The following LARP1 variants were observed in gnomAD, a reference collection of about 807,000 sequenced individuals.
LARP1 encodes la-related protein 1.
In LARP1, 36 loss-of-function variants were observed where a neutral mutation model predicts 122.7. The ratio of observed to expected loss-of-function variants is 0.29; its 90% CI spans 0.22 to 0.39. LARP1 has a LOEUF of 0.39. Among genes scored for constraint, LARP1 ranks in the 10% least tolerant of loss-of-function variants. The probability of loss-of-function intolerance (pLI) is 1.00; values close to 1 mark genes in which losing one functional copy is unlikely to be tolerated. For missense variants in LARP1, 1,040 were observed against 1,403.6 expected, an observed-to-expected ratio of 0.74 and a Z score of 4.14; for synonymous variants, 539 against 528.7, an observed-to-expected ratio of 1.02 and a Z score of -0.27.
intron 16 of LARP1, 137 bp from the exon 17 acceptor site, chr5:154,811,110 A>G (rs1398332316): frequency 6.2e-6 from 4 of 643,414 alleles, no homozygotes; most frequent in African/African-American, 3.7e-5. Context: ...CTAGCATTCT[A>G]AAAGCGTGTA....
upstream of LARP1, among the ~76,000 whole-genome samples, chr5:154,755,375 C>G (rs1247654753): frequency 6.6e-6 from 1 of 151,150 alleles, no homozygotes; most frequent in Non-Finnish European, 1.5e-5. Context: ...TCTCCCCCGT[C>G]CGTCCATATT....
intron 1 of LARP1, among the ~76,000 whole-genome samples, chr5:154,722,678 GTTTT>G (rs11315331): frequency 5.0e-5 from 5 of 99,140 alleles, no homozygotes; most frequent in African/African-American, 4.1e-5. Flanking sequence ...TCTTTCCTAG[GTTTT>G]TTTTTTTTTT....
intron 1 of LARP1, among the ~76,000 whole-genome samples, chr5:154,683,988 C>T (rs770811725): frequency 1.1e-4 from 16 of 152,122 alleles, no homozygotes; most frequent in Middle Eastern, 3.2e-3. Flanking sequence ...AACAGTTGGC[C>T]AATCTGGTAT....
chr5:154,788,890 G>A (rs1401866838), intron 1 of LARP1, among the ~76,000 whole-genome samples: 1 of 152,110 alleles, frequency 6.6e-6, no homozygotes, highest in Non-Finnish European at 1.5e-5. Flanking sequence ...GTGTGCATGT[G>A]CACATTTTTG....
At chr5:154,769,586 G>C (rs530626391) in intron 1 of LARP1, among the ~76,000 whole-genome samples, 1 of 152,170 alleles carries the variant, frequency 6.6e-6, no homozygotes, top group South Asian at 2.1e-4. Context: ...AGGCCCTGGA[G>C]CAGCAATAGA....
intron 4 of LARP1, 40 bp downstream of exon 4, chr5:154,792,836 G>A (rs1463395996): frequency 1.3e-6 from 2 of 1,595,970 alleles, no homozygotes; most frequent in Non-Finnish European, 1.7e-6. Flanking sequence ...AGGTGGCAGG[G>A]TAGAACTGTG....
At chr5:154,757,508 C>T (rs542160578) in intron 1 of LARP1, among the ~76,000 whole-genome samples, 1 of 151,960 alleles carries the variant, frequency 6.6e-6, no homozygotes, top group Non-Finnish European at 1.5e-5. Flanking sequence ...AATTGTCTTG[C>T]AGTTGGAATG....
At chr5:154,726,028 C>T (rs112867898) in intron 1 of LARP1, among the ~76,000 whole-genome samples, 16 of 151,794 alleles carry the variant, frequency 1.1e-4, no homozygotes, top group African/African-American at 3.6e-4. Flanking sequence ...TTAGTAGAGA[C>T]GGGTTATCTC....
chr5:154,770,021 T>C (rs1226428444), intron 1 of LARP1, among the ~76,000 whole-genome samples: 1 of 152,142 alleles, frequency 6.6e-6, no homozygotes, highest in East Asian at 1.9e-4. Context: ...GGAGGCCAGC[T>C]TAGGGAGTCT....
intron 1 of LARP1, among the ~76,000 whole-genome samples, chr5:154,776,122 C>T (rs1396635323): frequency 2.0e-5 from 3 of 152,082 alleles, no homozygotes; most frequent in Non-Finnish European, 2.9e-5. Context: ...CCAGCCTAGG[C>T]GGCATAGCAA....
At chr5:154,789,750 A>T (rs975095367) in intron 1 of LARP1, among the ~76,000 whole-genome samples, 1 of 152,188 alleles carries the variant, frequency 6.6e-6, no homozygotes, top group Admixed American at 6.5e-5. Flanking sequence ...AGGACTGTTG[A>T]GTCAAGTGGG....
intron 1 of LARP1, among the ~76,000 whole-genome samples, chr5:154,769,565 T>A (rs1389044297): frequency 6.6e-6 from 1 of 152,112 alleles, no homozygotes. Context: ...CTCACCTAGC[T>A]TTGTGGCCAG....
At chr5:154,785,294 G>A (rs1756793179) in intron 1 of LARP1, among the ~76,000 whole-genome samples, 1 of 152,198 alleles carries the variant, frequency 6.6e-6, no homozygotes, top group African/African-American at 2.4e-5. Context: ...AGTCTGGACT[G>A]TATGAATTGA....
intron 1 of LARP1, among the ~76,000 whole-genome samples, chr5:154,697,780 C>G (rs961563756): frequency 6.6e-5 from 10 of 152,088 alleles, no homozygotes; most frequent in African/African-American, 2.4e-4. Context: ...GATAGAAAGA[C>G]TAAGGGATAA....
At chr5:154,772,575 T>C (rs1195916154) in intron 1 of LARP1, among the ~76,000 whole-genome samples, 1 of 152,232 alleles carries the variant, frequency 6.6e-6, no homozygotes, top group Non-Finnish European at 1.5e-5. Context: ...GTGATAAAGG[T>C]TAATTTGTAA....
rs1357558716 is a variant in LARP1 at position 154,803,132 on chromosome 5, G to A, written c.2110-158G>A. ...CTTGTGCCAAGGTAACTGGGGTGAG[G>A]AATGGTGACTGGGCAGCTGAGAGCC... On this transcript the variant is annotated intron_variant, in intron 11 of 18. Coordinates refer to ENST00000518297, the MANE Select transcript of LARP1 (RefSeq NM_033551.3). This position sits in a 1 kb window ranked among gnomAD's most constrained non-coding sequence, Gnocchi z 4.4. 6.6e-6 allele frequency among the ~76,000 whole-genome samples: 1 copy of A among 152,170 alleles called. No individual in the cohort carries two copies. The highest frequency in any genetic ancestry group is 2.4e-5 in the African/African-American group (1 of 41,444).
chr5:154,698,301 A>G (rs909471265), intron 1 of LARP1, among the ~76,000 whole-genome samples: 2 of 152,178 alleles, frequency 1.3e-5, no homozygotes, highest in African/African-American at 4.8e-5. Context: ...AAAATATTCT[A>G]AAATCTATTG....
chr5:154,809,397 G>GAAA (rs1352639700), intron 16 of LARP1, among the ~76,000 whole-genome samples: 5 of 107,314 alleles, frequency 4.7e-5, no homozygotes, highest in African/African-American at 1.1e-4. Context: ...TAAACTACAT[G>GAAA]AAAAAAGACA....
chr5:154,789,306 G>A (rs1441935691), intron 1 of LARP1, among the ~76,000 whole-genome samples: 1 of 122,410 alleles, frequency 8.2e-6, no homozygotes, highest in Non-Finnish European at 1.6e-5. Flanking sequence ...TGCAACCCCC[G>A]CCTCCCGGGT....
Sources: gnomAD v4.1 joint callset for allele counts (sites outside exome capture counted in the v4.1 genomes callset) on GRCh38, gnomAD v4.1.1 for gene constraint, Gnocchi (gnomAD v3.1) non-coding constraint, MANE v1.5 for transcripts, NCBI Gene and HGNC (gene_info 2026-07-23, HGNC 2026-07-21) for gene names.